Variants in RIPK4 observed in about 807,000 individuals in gnomAD.
The protein encoded by RIPK4 is receptor-interacting serine/threonine-protein kinase 4.
In RIPK4, 17 loss-of-function variants were observed where a neutral mutation model predicts 42.9. The observed-to-expected ratio is 0.40, with a 90% CI of 0.27 to 0.59. RIPK4 has a LOEUF of 0.59. Among genes scored for constraint, RIPK4 ranks in the 20% least tolerant of loss-of-function variants. The probability of loss-of-function intolerance (pLI) is 0.47; values close to 1 mark genes in which losing one functional copy is unlikely to be tolerated. For synonymous variants in RIPK4, 498 were observed against 499.1 expected (o/e 1.00, Z 0.03); for missense variants, 897 against 1,104.4 (o/e 0.81, Z 2.66).
rs773990019 is a variant in RIPK4, at chr21:41,749,215, A to T, written c.624-12T>A. ...TGACGATCGCAAAGCTGGAAGAGAA[A>T]CCAGGCACGTTAGCATCTGACAGCC... On this transcript the variant is annotated splice_polypyrimidine_tract_variant and intron_variant, in intron 3 of 7. Coordinates refer to ENST00000332512, the MANE Select transcript of RIPK4 (RefSeq NM_020639.3). The T allele has an allele frequency of 1.2e-5, 19 of 1,613,766 alleles. No homozygotes were observed. Among genetic ancestry groups the T allele is most frequent in the Non-Finnish European group, 1.6e-5 (19 of 1,179,850 alleles).
chr21:41,751,161 A>T lies in RIPK4; in HGVS notation c.559T>A (p.Tyr187Asn), dbSNP rs1253635487. The change falls in exon 3 of 8, where the codon TAC becomes AAC. Residue 187 changes from tyrosine (Y) to asparagine (N), a missense_variant. Tyr to Asn is a moderately radical substitution (Grantham distance 143). Transcript: ENST00000332512. This position sits in a 1 kb window ranked among gnomAD's most constrained non-coding sequence, Gnocchi z 4.5. Reference protein sequence around the residue: ...SMDGLFGTIAYLPPERIREKS... With the variant: ...SMDGLFGTIANLPPERIREKS... Reference sequence around the variant, plus strand: ...TCCCTGATGCGCTCTGGAGGGAGGTAGGCGATTGTGCCAAACAGGCCATCC... The same window carrying T: ...TCCCTGATGCGCTCTGGAGGGAGGTTGGCGATTGTGCCAAACAGGCCATCC... The T allele has an allele frequency of 6.2e-7, 1 of 1,614,200 alleles. No individual in the cohort carries two copies. The highest frequency in any genetic ancestry group is 1.1e-5 in the South Asian group (1 of 91,092).
At chr21:41,749,755 C>G (rs1569102958) in intron 3 of RIPK4, among the ~76,000 whole-genome samples, 1 of 151,974 alleles carries the variant, frequency 6.6e-6, no homozygotes, top group Admixed American at 6.6e-5. Context: ...AGAAAGTGCG[C>G]AGAAAACGTA....
chr21:41,749,889 T>TAA (rs776305508), intron 3 of RIPK4, among the ~76,000 whole-genome samples: 6 of 99,384 alleles, frequency 6.0e-5, no homozygotes, highest in East Asian at 2.6e-4. Context: ...CCAAATTGAT[T>TAA]AAAAAAAAAA....
chr21:41,762,284 G>C (rs1000315605), intron 1 of RIPK4, among the ~76,000 whole-genome samples: 6 of 152,222 alleles, frequency 3.9e-5, no homozygotes, highest in African/African-American at 1.4e-4. Context: ...AGGGGGTCCC[G>C]GGACCGCCCT....
chr21:41,751,006 G>A lies in RIPK4; in HGVS notation c.623+91C>T. 2 of 1,488,024 alleles carry A rather than the reference G, an allele frequency of 1.3e-6. No individual in the cohort carries two copies. The highest frequency in any genetic ancestry group is 1.8e-6 in the Non-Finnish European group (2 of 1,100,786). 92.2% of individuals were successfully genotyped at this position (1,488,024 alleles called of 1,614,324 possible). On this transcript the variant is annotated intron_variant, in intron 3 of 7. Coordinates refer to ENST00000332512, the MANE Select transcript of RIPK4 (RefSeq NM_020639.3). The surrounding 1 kb of genome is among the most constrained non-coding windows in gnomAD (Gnocchi z 4.5). ...GCCCCATTTCTGACTGGCAGCAAGA[G>A]GCCTTTCTGAAAGCTGCAGCTCAGG... is the stretch of plus-strand genomic sequence containing the variant.
At chr21:41,760,649 T>C (rs547494314) in intron 1 of RIPK4, among the ~76,000 whole-genome samples, 3 of 152,110 alleles carry the variant, frequency 2.0e-5, no homozygotes, top group Non-Finnish European at 2.9e-5. Context: ...ATGGGTCCAT[T>C]GACTGCATGT....
In RIPK4 at chr21:41,739,400, T is replaced by C. The variant is rs986317473; in HGVS notation, c.*1438A>G. On this transcript the variant is annotated 3_prime_UTR_variant, in exon 8 of 8. Coordinates refer to ENST00000332512, the MANE Select transcript of RIPK4 (RefSeq NM_020639.3). Reference sequence around the variant, plus strand: ...CAAAAAAGTAGGCAAGTACTTTGCTTTATTGACATCAAATGGAACTTCTTG... The same window carrying C: ...CAAAAAAGTAGGCAAGTACTTTGCTCTATTGACATCAAATGGAACTTCTTG... 1.6e-4 allele frequency: 25 copies of C among 152,216 alleles called. No homozygotes were observed. Among genetic ancestry groups the C allele is most frequent in the African/African-American group, 6.0e-4 (25 of 41,448 alleles). 9.4% of individuals were successfully genotyped at this position (152,216 alleles called of 1,614,324 possible). A position where few individuals can be genotyped will look rare whatever the true frequency, so the allele number is the denominator to read the frequency against.
chr21:41,756,652 T>G lies in RIPK4; in HGVS notation c.347A>C (p.Asp116Ala). ...CTCGTGGATGATTCGGAACCGGAGATCCCATGGCAATGGCTCCGAAGCCAG... is the reference window on the plus strand; with the variant it reads ...CTCGTGGATGATTCGGAACCGGAGAGCCCATGGCAATGGCTCCGAAGCCAG... ...KLLASEPLPW[D>A]LRFRIIHETA... is the part of the protein sequence containing the mutation. Residue 116 changes from aspartate (D) to alanine (A), a missense_variant, in exon 2 of 8, where the codon GAT (aspartate) becomes GCT (alanine). Asp to Ala is a moderately radical substitution (Grantham distance 126). Coordinates refer to ENST00000332512, the MANE Select transcript of RIPK4 (RefSeq NM_020639.3). 1 of 1,613,998 alleles carries G rather than the reference T, an allele frequency of 6.2e-7. No homozygotes were observed. The highest frequency in any genetic ancestry group is 8.5e-7 in the Non-Finnish European group (1 of 1,180,030).
intron 1 of RIPK4, among the ~76,000 whole-genome samples, chr21:41,765,751 T>C (rs1294813936): frequency 2.6e-5 from 4 of 152,206 alleles, no homozygotes; most frequent in Non-Finnish European, 4.4e-5. Context: ...GTTCAAGGAA[T>C]CTCTAGGTAA....
At chr21:41,762,084 A>G (rs538937749) in intron 1 of RIPK4, among the ~76,000 whole-genome samples, 1 of 152,274 alleles carries the variant, frequency 6.6e-6, no homozygotes, top group African/African-American at 2.4e-5. Flanking sequence ...AACGGAGTCC[A>G]CCCCAGCTTT....
intron 6 of RIPK4, among the ~76,000 whole-genome samples, chr21:41,744,456 G>C (rs745824656): frequency 2.6e-5 from 4 of 152,182 alleles, no homozygotes; most frequent in Non-Finnish European, 4.4e-5. Context: ...CACAGCGCCA[G>C]GGAGCTCAAA....
rs541139381 is a variant in RIPK4, at chr21:41,755,561, G to A, written c.474+964C>T. ...GCCATCAGAGAGGCCTGGAAGTGCT[G>A]TGCCACCAGGAACAGTAGCACAGCC... On this transcript the variant is annotated intron_variant, in intron 2 of 7. Coordinates refer to ENST00000332512, the MANE Select transcript of RIPK4 (RefSeq NM_020639.3). The surrounding 1 kb of genome is among the most constrained non-coding windows in gnomAD (Gnocchi z 4.2). 1.3e-5 allele frequency among the ~76,000 whole-genome samples: 2 copies of A among 152,282 alleles called. No individual in the cohort carries two copies. The highest frequency in any genetic ancestry group is 2.4e-5 in the African/African-American group (1 of 41,570).
rs557422596 is a variant in RIPK4, at chr21:41,744,373, C to T, written c.937-233G>A. ...ACACAGCGCCGCGGAGCTCAGACCCCGCGCCCGCACAGTGCCGGGCAGCTC... is the reference window on the plus strand; with the variant it reads ...ACACAGCGCCGCGGAGCTCAGACCCTGCGCCCGCACAGTGCCGGGCAGCTC... On this transcript the variant is annotated intron_variant, in intron 6 of 7. Coordinates refer to ENST00000332512, the MANE Select transcript of RIPK4 (RefSeq NM_020639.3). Among the ~76,000 whole-genome samples the T allele has an allele frequency of 3.3e-5, 5 of 151,006 alleles. No individual in the cohort carries two copies. The East Asian group carries it at 7.7e-4, about 23-fold the overall frequency.
At chr21:41,750,883 G>T (rs1601679357) in intron 3 of RIPK4, among the ~76,000 whole-genome samples, 1 of 152,250 alleles carries the variant, frequency 6.6e-6, no homozygotes, top group East Asian at 1.9e-4. Context: ...TCACCATGTT[G>T]CCCAGGCTGG....
chr21:41,758,198 C>T (rs2061211070), intron 1 of RIPK4, among the ~76,000 whole-genome samples: 1 of 151,682 alleles, frequency 6.6e-6, no homozygotes, highest in African/African-American at 2.4e-5. Flanking sequence ...ACACCCAAAA[C>T]TTTTCCATCA....
intron 2 of RIPK4, among the ~76,000 whole-genome samples, chr21:41,752,048 G>C (rs2061190168): frequency 6.6e-6 from 1 of 152,048 alleles, no homozygotes; most frequent in Non-Finnish European, 1.5e-5. Context: ...CCCCCGGTCT[G>C]ACCTCTCTCG....
At chr21:41,762,948 C>T (rs1465607696) in intron 1 of RIPK4, among the ~76,000 whole-genome samples, 8 of 143,768 alleles carry the variant, frequency 5.6e-5, no homozygotes, top group Non-Finnish European at 1.3e-4. Context: ...AAGCCCCTCT[C>T]GTCGGTGTTA....
At chr21:41,764,854 C>A (rs77647835) in intron 1 of RIPK4, among the ~76,000 whole-genome samples, 2,263 of 152,336 alleles carry the variant, frequency 0.015, 50 homozygotes, top group African/African-American at 0.05. Flanking sequence ...ACCTACTCTA[C>A]CAGGCCCAGC....
At position 41,751,713 on chromosome 21, in the gene RIPK4, G is replaced by A. The variant is rs552507685; in HGVS notation, c.475-468C>T. Among the ~76,000 whole-genome samples, 6 of 152,304 alleles carry A rather than the reference G, an allele frequency of 3.9e-5. No homozygotes were observed. The East Asian group carries it at 5.8e-4, about 15-fold the overall frequency. ...CAACCTGCCAGCTGGGGAGGCTGGC[G>A]GGCAAGTGGCTGCAAGTCCTTTAAA... On this transcript the variant is annotated intron_variant, in intron 2 of 7. Transcript: ENST00000332512. The surrounding 1 kb of genome is among the most constrained non-coding windows in gnomAD (Gnocchi z 4.5).
Sources: gnomAD v4.1 joint callset for allele counts (sites outside exome capture counted in the v4.1 genomes callset) on GRCh38, gnomAD v4.1.1 for gene constraint, Gnocchi (gnomAD v3.1) non-coding constraint, MANE v1.5 for transcripts, NCBI Gene and HGNC (gene_info 2026-07-23, HGNC 2026-07-21) for gene names.